ORC2: variants seen among roughly 807,000 people sequenced by gnomAD.
ORC2 encodes the protein origin recognition complex subunit 2, also known as origin recognition complex protein 2 homolog.
In ORC2, 37 loss-of-function variants were observed where a neutral mutation model predicts 77.7. The observed-to-expected ratio is 0.48, with a 90% CI of 0.37 to 0.63. The LOEUF (loss-of-function observed/expected upper bound fraction) is 0.63. ORC2 is among the 20% of genes least tolerant of loss of function. ORC2 has a pLI of 0.00. For synonymous variants in ORC2, 201 were observed against 229.5 expected (o/e 0.88, Z 1.12); for missense variants, 557 against 661.9 (o/e 0.84, Z 1.74).
chr2:200,943,577 C>T (rs1371027280), intron 5 of ORC2, among the ~76,000 whole-genome samples: 1 of 152,174 alleles, frequency 6.6e-6, no homozygotes, highest in African/African-American at 2.4e-5. Context: ...AAAAAGGGCA[C>T]ATACCAAATT....
chr2:200,924,135 C>T (rs1036350280), intron 13 of ORC2, among the ~76,000 whole-genome samples: 2 of 152,010 alleles, frequency 1.3e-5, no homozygotes, highest in Non-Finnish European at 2.9e-5. Flanking sequence ...TCCCTTGAGG[C>T]CTAGGAGTTT....
At chr2:200,934,036 A>C (rs1269471624) in intron 9 of ORC2, 62 bp from the exon 10 acceptor site, 1 of 801,770 alleles carries the variant, frequency 1.2e-6, no homozygotes, top group Non-Finnish European at 2.1e-6. Context: ...TATCAAAATT[A>C]GACAGTAATA....
In ORC2 at chr2:200,913,994, TAA is replaced by T. The variant is rs200066674; in HGVS notation, c.1467-4_1467-3del. On this transcript the variant is annotated splice_polypyrimidine_tract_variant and splice_region_variant and intron_variant, in intron 15 of 17. Transcript: ENST00000234296. ...TTTATTAGTAGCCTGAAAATTCCCC[TAA>T]AAAAAAAAAAAAACAGGAATTTAAA... 1.8e-3 allele frequency: 2,292 copies of T among 1,281,288 alleles called. No individual in the cohort carries two copies. The highest frequency in any genetic ancestry group is 4.2e-3 in the Admixed American group (173 of 41,648). 79.4% of individuals were successfully genotyped at this position (1,281,288 alleles called of 1,614,324 possible).
intron 7 of ORC2, among the ~76,000 whole-genome samples, chr2:200,939,081 G>A (rs1156256774): frequency 6.6e-6 from 1 of 150,814 alleles, no homozygotes; most frequent in Non-Finnish European, 1.5e-5. Context: ...TAATAACTGA[G>A]CTAATCCCTT....
chr2:200,961,305 G>A (rs137905611), intron 1 of ORC2, among the ~76,000 whole-genome samples: 85 of 152,140 alleles, frequency 5.6e-4, no homozygotes, highest in Non-Finnish European at 8.4e-4. Flanking sequence ...GACTACAGGC[G>A]TGCAATGCCA....
chr2:200,954,952 A>G (rs2041441787), intron 4 of ORC2, among the ~76,000 whole-genome samples: 1 of 151,980 alleles, frequency 6.6e-6, no homozygotes, highest in South Asian at 2.1e-4. Flanking sequence ...TATGGGTTTC[A>G]TATGTGCTGA....
At chr2:200,951,734 T>A (rs559541243) in intron 4 of ORC2, among the ~76,000 whole-genome samples, 1 of 152,360 alleles carries the variant, frequency 6.6e-6, no homozygotes, top group Non-Finnish European at 1.5e-5. Context: ...GCCTATTTTT[T>A]AATTAAATTG....
At chr2:200,925,323 C>T (rs16835781) in intron 13 of ORC2, among the ~76,000 whole-genome samples, 2,356 of 152,074 alleles carry the variant, frequency 0.015, 71 homozygotes, top group African/African-American at 0.054. Context: ...CAGAAACAGG[C>T]TTTTGGATAT....
At chr2:200,934,336 G>A (rs576314721) in intron 9 of ORC2, among the ~76,000 whole-genome samples, 10 of 151,490 alleles carry the variant, frequency 6.6e-5, no homozygotes, top group Non-Finnish European at 1.3e-4. Context: ...CTTTATTGAG[G>A]AAGGGTCTCA....
intron 2 of ORC2, 113 bp from the exon 3 acceptor site, chr2:200,958,246 A>C (rs906715051): frequency 8.1e-6 from 5 of 617,260 alleles, no homozygotes; most frequent in African/African-American, 5.5e-5. Context: ...AAGTCTTTTT[A>C]AGTATAAAAA....
intron 1 of ORC2, among the ~76,000 whole-genome samples, chr2:200,959,923 G>A (rs1040659517): frequency 4.6e-5 from 7 of 151,932 alleles, no homozygotes; most frequent in African/African-American, 1.2e-4. Flanking sequence ...TTAGCTGGGC[G>A]TAGTGGCATG....
intron 10 of ORC2, among the ~76,000 whole-genome samples, chr2:200,933,542 C>T (rs963959133): frequency 6.6e-6 from 1 of 152,060 alleles, no homozygotes; most frequent in African/African-American, 2.4e-5. Context: ...TGCATAATTA[C>T]AGTCTGTCTA....
intron 16 of ORC2, 106 bp from the exon 17 acceptor site, chr2:200,913,519 C>T: frequency 1.4e-6 from 2 of 1,408,176 alleles, no homozygotes; most frequent in Non-Finnish European, 1.9e-6. Context: ...TGCATGTTAT[C>T]CCAGAGCAGT....
At chr2:200,945,317 A>G (rs2041231503) in intron 5 of ORC2, among the ~76,000 whole-genome samples, 1 of 152,188 alleles carries the variant, frequency 6.6e-6, no homozygotes. Context: ...GCACTTTGGG[A>G]GACCGAGGTG....
At chr2:200,930,506 CT>C (rs572005723) in intron 11 of ORC2, among the ~76,000 whole-genome samples, 5,466 of 136,262 alleles carry the variant, frequency 0.04, 335 homozygotes, top group African/African-American at 0.13. Context: ...CCTAGCATAA[CT>C]TTTTTTTTTT....
chr2:200,915,142 G>A (rs1226548856), intron 15 of ORC2, among the ~76,000 whole-genome samples: 2 of 150,700 alleles, frequency 1.3e-5, no homozygotes, highest in South Asian at 2.1e-4. Flanking sequence ...CAGCCTCCGA[G>A]TAGCTGGGAT....
At chr2:200,924,735 A>T (rs1379711088) in intron 13 of ORC2, among the ~76,000 whole-genome samples, 1 of 152,190 alleles carries the variant, frequency 6.6e-6, no homozygotes, top group Non-Finnish European at 1.5e-5. Flanking sequence ...AATGATATGT[A>T]CACAGAATAA....
chr2:200,927,827 A>G (rs2040868956), intron 11 of ORC2, among the ~76,000 whole-genome samples: 1 of 150,784 alleles, frequency 6.6e-6, no homozygotes, highest in South Asian at 2.1e-4. Context: ...CCTCCTGAGC[A>G]GCTGGATTAC....
chr2:200,945,766 A>AT (rs1490729446), intron 5 of ORC2, among the ~76,000 whole-genome samples: 1 of 151,952 alleles, frequency 6.6e-6, no homozygotes, highest in African/African-American at 2.4e-5. Context: ...AAAGATACTT[A>AT]TTTTCTTTTA....
Sources: gnomAD v4.1 joint callset for allele counts (sites outside exome capture counted in the v4.1 genomes callset) on GRCh38, gnomAD v4.1.1 for gene constraint, MANE v1.5 for transcripts, NCBI Gene and HGNC (gene_info 2026-07-23, HGNC 2026-07-21) for gene names.